RMDN2: variants seen among roughly 807,000 people sequenced by gnomAD.
The protein encoded by RMDN2 is regulator of microtubule dynamics 2.
A neutral mutation model predicts 52.8 loss-of-function variants in RMDN2; 61 were observed. The ratio of observed to expected loss-of-function variants is 1.16; its 90% CI spans 0.94 to 1.43. The LOEUF is 1.43. RMDN2 is among the 40% of genes most tolerant of loss of function. The probability of loss-of-function intolerance (pLI) is 0.00; values close to 1 mark genes in which losing one functional copy is unlikely to be tolerated. For synonymous variants in RMDN2, 180 were observed against 153.1 expected, an observed-to-expected ratio of 1.18 and a Z score of -1.30; for missense variants, 592 against 475.3, an observed-to-expected ratio of 1.25 and a Z score of -2.28.
chr2:37,931,954 A>G (rs544803101), intron 2 of RMDN2, among the ~76,000 whole-genome samples: 1 of 152,368 alleles, frequency 6.6e-6, no homozygotes, highest in African/African-American at 2.4e-5. Context: ...GAAGGGGAGA[A>G]GCTTTTTCCT....
intron 7 of RMDN2, among the ~76,000 whole-genome samples, chr2:37,996,588 CAAAAAAAAAAAAGA>C (rs1258746592): frequency 1.8e-5 from 2 of 110,068 alleles, no homozygotes; most frequent in African/African-American, 5.9e-5. Flanking sequence ...GAGACATTGC[CAAAAAAAAAAAAGA>C]AAAAAAAAAA....
intron 9 of RMDN2, 33 bp downstream of exon 9, chr2:38,004,077 C>T (rs904231278): frequency 1.2e-6 from 2 of 1,606,238 alleles, no homozygotes; most frequent in South Asian, 1.1e-5. Flanking sequence ...TTTAAGATCA[C>T]TTTGAACCTA....
intron 2 of RMDN2, among the ~76,000 whole-genome samples, chr2:37,938,567 T>TGTAC: frequency 6.6e-6 from 1 of 152,228 alleles, no homozygotes; most frequent in Non-Finnish European, 1.5e-5. Flanking sequence ...TGCCTCAATT[T>TGTAC]CAGAACTTGT....
intron 2 of RMDN2, among the ~76,000 whole-genome samples, chr2:37,948,538 A>T (rs181989878): frequency 6.6e-6 from 1 of 152,226 alleles, no homozygotes; most frequent in East Asian, 1.9e-4. Context: ...AAGGACGAAC[A>T]TGTTTTAGAT....
At chr2:37,969,827 G>A (rs936255127) in intron 2 of RMDN2, among the ~76,000 whole-genome samples, 1 of 151,950 alleles carries the variant, frequency 6.6e-6, no homozygotes, top group African/African-American at 2.4e-5. Context: ...TTTCAGGTTT[G>A]AAAGGCTCCT....
chr2:37,953,345 C>G lies in RMDN2; in HGVS notation c.453-20695C>G, dbSNP rs74625205. On this transcript the variant is annotated intron_variant, in intron 2 of 10. Transcript: ENST00000354545. ...ACTCTCCACCCATTAAATAAGAACT[C>G]TCTACTCTCTCTCCCTAGCCCTTGT... Among the ~76,000 whole-genome samples the G allele has an allele frequency of 1.1e-3, 164 of 152,096 alleles. 3 individuals are homozygous for G. The East Asian group carries it at 0.027, about 25-fold the overall frequency.
chr2:38,017,798 C>A, downstream of RMDN2: 1 of 245,532 alleles, frequency 4.1e-6, no homozygotes, highest in Admixed American at 5.6e-5. Context: ...TTTGTGTGAG[C>A]AACAAGGCTA....
intron 2 of RMDN2, chr2:37,949,804 C>A (rs182603252): frequency 6.6e-6 from 1 of 152,638 alleles, no homozygotes; most frequent in African/African-American, 2.4e-5. Flanking sequence ...TACACATACA[C>A]GTATACCTGT....
intron 10 of RMDN2, among the ~76,000 whole-genome samples, chr2:38,059,716 C>T (rs1381286951): frequency 6.6e-6 from 1 of 151,934 alleles, no homozygotes. Flanking sequence ...GATGTAGGGA[C>T]GTGGGCAAAG....
chr2:38,059,580 G>A (rs540443791), intron 10 of RMDN2, among the ~76,000 whole-genome samples: 11 of 152,278 alleles, frequency 7.2e-5, no homozygotes, highest in South Asian at 2.1e-4. Context: ...TGTTGGGAGC[G>A]TAGGGAACAG....
chr2:38,038,961 G>A (rs1398179596), intron 10 of RMDN2, among the ~76,000 whole-genome samples: 1 of 151,880 alleles, frequency 6.6e-6, no homozygotes, highest in African/African-American at 2.4e-5. Flanking sequence ...AGGGAAGGGT[G>A]TTCCCTTCTG....
chr2:37,923,205 G>T (rs1394234754), upstream of RMDN2: 1 of 152,162 alleles, frequency 6.6e-6, no homozygotes, highest in African/African-American at 2.4e-5. Flanking sequence ...CTTTGCCAAG[G>T]TCAATGGTTG....
rs536985605 is a variant in RMDN2 at position 37,930,417 on chromosome 2, A to T, written c.452+688A>T. On this transcript the variant is annotated intron_variant, in intron 2 of 10. Coordinates refer to ENST00000354545, the MANE Select transcript of RMDN2 (RefSeq NM_001170791.3). ...CCCGAGGGCCAATGGAAATTTATTA[A>T]TTTTTTTGTCCTTTTCCATCCTTCC... Among the ~76,000 whole-genome samples the T allele has an allele frequency of 3.8e-3, 572 of 152,106 alleles. 2 individuals carry two copies. The highest frequency in any genetic ancestry group is 5.5e-3 in the Non-Finnish European group (373 of 67,976).
chr2:37,962,862 G>T (rs1339300940), intron 2 of RMDN2, among the ~76,000 whole-genome samples: 1 of 152,184 alleles, frequency 6.6e-6, no homozygotes, highest in Non-Finnish European at 1.5e-5. Flanking sequence ...CGGTCTGCGG[G>T]TTGCAAAAAA....
At chr2:37,951,476 T>C (rs759357021) in intron 2 of RMDN2, 7 of 1,612,154 alleles carry the variant, frequency 4.3e-6, no homozygotes, top group Non-Finnish European at 5.1e-6. Flanking sequence ...AAAAAAGAAA[T>C]GCTTCCCCTT....
intron 2 of RMDN2, among the ~76,000 whole-genome samples, chr2:37,964,029 C>T (rs1375796752): frequency 6.8e-5 from 10 of 147,268 alleles, no homozygotes; most frequent in East Asian, 4.3e-4. Flanking sequence ...GCTGGCCTGG[C>T]GGGGGCTGCC....
chr2:38,030,648 T>C (rs1680130107), intron 10 of RMDN2: 1 of 152,258 alleles, frequency 6.6e-6, no homozygotes, highest in Admixed American at 6.5e-5. Context: ...TTTCAAACTG[T>C]TACCACATCC....
chr2:38,060,832 A>G (rs1418394046), intron 10 of RMDN2, among the ~76,000 whole-genome samples: 1 of 152,110 alleles, frequency 6.6e-6, no homozygotes, highest in African/African-American at 2.4e-5. Context: ...ACACAGCACA[A>G]CACCAGGGGA....
intron 2 of RMDN2, among the ~76,000 whole-genome samples, chr2:37,969,521 A>G (rs1411880244): frequency 1.3e-5 from 2 of 151,640 alleles, no homozygotes; most frequent in Non-Finnish European, 2.9e-5. Flanking sequence ...TTTATAGAGT[A>G]TAAGAACAAA....
Sources: gnomAD v4.1 joint callset for allele counts (sites outside exome capture counted in the v4.1 genomes callset) on GRCh38, gnomAD v4.1.1 for gene constraint, MANE v1.5 for transcripts, NCBI Gene and HGNC (gene_info 2026-07-23, HGNC 2026-07-21) for gene names.